SLFN14: variants seen among roughly 807,000 people sequenced by gnomAD.
The protein encoded by SLFN14 is protein SLFN14.
In SLFN14, 47 loss-of-function variants were observed where a neutral mutation model predicts 58.6. The ratio of observed to expected loss-of-function variants is 0.80; its 90% CI spans 0.64 to 1.02. SLFN14 has a LOEUF of 1.02. SLFN14 is among the 50% of genes least tolerant of loss of function. The pLI, the probability that SLFN14 is intolerant of heterozygous loss-of-function variation, is 0.00. For missense variants in SLFN14, 967 were observed against 1,078.4 expected, an observed-to-expected ratio of 0.90 and a Z score of 1.45; for synonymous variants, 390 against 387.3, an observed-to-expected ratio of 1.01 and a Z score of -0.08.
chr17:35,557,907 C>T lies in SLFN14; in HGVS notation c.156G>A (p.Leu52=). 1.3e-6 allele frequency: 2 copies of T among 1,551,744 alleles called. No homozygotes were observed. The highest frequency in any genetic ancestry group is 1.7e-6 in the Non-Finnish European group (2 of 1,147,000). Residue 52 remains leucine (L), a synonymous_variant, in exon 3 of 6, where the codon CTG becomes CTA. Coordinates refer to ENST00000674182, the MANE Select transcript of SLFN14 (RefSeq NM_001129820.2). ...NSRIIRAICA[L]LNSGGGVIKA... is the part of the protein sequence containing the mutation. ...TGATCACACCACCTCCAGAATTTAA[C>T]AGTGCACATATAGCCCGGATAATTC... is the stretch of plus-strand genomic sequence containing the variant.
At chr17:35,558,912 C>T in intron 2 of SLFN14, among the ~76,000 whole-genome samples, 1 of 152,040 alleles carries the variant, frequency 6.6e-6, no homozygotes, top group Non-Finnish European at 1.5e-5. Context: ...GAAGATCTTG[C>T]TATAAACACA....
intron 1 of SLFN14, among the ~76,000 whole-genome samples, chr17:35,560,528 ATGTTGGC>A (rs1345900222): frequency 2.6e-5 from 4 of 152,172 alleles, no homozygotes; most frequent in East Asian, 3.9e-4. Flanking sequence ...GGGTTTCACC[ATGTTGGC>A]CAGGCTGGTC....
Position 35,557,478 on chromosome 17 carries a change from T to A in SLFN14, c.585A>T (p.Lys195Asn). The change falls in exon 3 of 6, where the codon AAA becomes AAT. Residue 195 changes from lysine (K) to asparagine (N), a missense_variant. Lys to Asn is a moderately conservative substitution (Grantham distance 94). Coordinates refer to ENST00000674182, the MANE Select transcript of SLFN14 (RefSeq NM_001129820.2). ...ILASEFFKKD[K>N]LMYKEKLNFT... ...AGTTGAGTTTCTCCTTATACATGAG[T>A]TTGTCCTTTTTAAAAAATTCTGAGG... 6.4e-7 allele frequency: 1 copy of A among 1,551,686 alleles called. No individual in the cohort carries two copies. Among genetic ancestry groups the A allele is most frequent in the Non-Finnish European group, 8.7e-7 (1 of 1,147,000 alleles).
chr17:35,544,489 G>GA lies in SLFN14; in HGVS notation c.*3749dup, dbSNP rs1287902491. On this transcript the variant is annotated 3_prime_UTR_variant, in exon 6 of 6. Transcript: ENST00000674182. ...AGAATAGAAATAAATAAGCAAAAAT[G>GA]AAAAAATGTTACACCCAGATAACAA... Among the ~76,000 whole-genome samples, 7 of 149,094 alleles carry GA rather than the reference G, an allele frequency of 4.7e-5. No homozygotes were observed. Among genetic ancestry groups the GA allele is most frequent in the Non-Finnish European group, 8.9e-5 (6 of 67,296 alleles).
intron 1 of SLFN14, among the ~76,000 whole-genome samples, 128 bp from the exon 2 acceptor site, chr17:35,559,933 G>A (rs746073620): frequency 6.6e-6 from 1 of 152,084 alleles, no homozygotes; most frequent in Non-Finnish European, 1.5e-5. Flanking sequence ...TTATATCATA[G>A]AATCACAGAA....
At chr17:35,555,371 C>CA (rs58849511) in intron 3 of SLFN14, among the ~76,000 whole-genome samples, 2,285 of 129,982 alleles carry the variant, frequency 0.018, 62 homozygotes, top group African/African-American at 0.058. Context: ...GACTCCGTCT[C>CA]AAAAAAAAAA....
intron 5 of SLFN14, among the ~76,000 whole-genome samples, chr17:35,550,807 A>T (rs972684855): frequency 6.6e-6 from 1 of 152,244 alleles, no homozygotes; most frequent in African/African-American, 2.4e-5. Context: ...AGAGATTTAA[A>T]TCAGAAGTGA....
rs777197607 is a variant in SLFN14, at chr17:35,548,844, CT to C, written c.2133del (p.Asp712MetfsTer27). On this transcript the variant is annotated frameshift_variant, in exon 6 of 6. Coordinates refer to ENST00000674182, the MANE Select transcript of SLFN14 (RefSeq NM_001129820.2). LOFTEE classifies it low-confidence loss of function (END_TRUNC). ...GATGGAGGGGGAAGGCCATTGACATCTGCGTGATGGATTTGAAAAGGGTCAA... is the reference window on the plus strand; with the variant it reads ...GATGGAGGGGGAAGGCCATTGACATCGCGTGATGGATTTGAAAAGGGTCAA... ...LFLDPFQIHH[A>X]DVNGLPPPSA... 9.0e-6 allele frequency: 14 copies of C among 1,551,714 alleles called. No individual in the cohort carries two copies. Among genetic ancestry groups the C allele is most frequent in the Non-Finnish European group, 1.1e-5 (13 of 1,146,992 alleles).
At position 35,552,798 on chromosome 17, in the gene SLFN14, GTCCTTAATTTTC is replaced by G; in HGVS notation, c.1824_1835del (p.Glu608_Lys611del). On this transcript the variant is annotated inframe_deletion, in exon 5 of 6. Coordinates refer to ENST00000674182, the MANE Select transcript of SLFN14 (RefSeq NM_001129820.2). ...TCTCTTTTGGTTTGCAGTGAAACAA[GTCCTTAATTTTC>G]TCCATGATCTTTATGGCTAGGGCTG... 1 of 1,551,146 alleles carries G rather than the reference GTCCTTAATTTTC, an allele frequency of 6.4e-7. No individual in the cohort carries two copies. The highest frequency in any genetic ancestry group is 8.7e-7 in the Non-Finnish European group (1 of 1,146,824).
chr17:35,544,542 T>TG lies in SLFN14; in HGVS notation c.*3696_*3697insC, dbSNP rs34232178. 5.3e-5 allele frequency among the ~76,000 whole-genome samples: 8 copies of TG among 151,888 alleles called. No homozygotes were observed. The highest frequency in any genetic ancestry group is 5.2e-4 in the Admixed American group (8 of 15,246). On this transcript the variant is annotated 3_prime_UTR_variant, in exon 6 of 6. Coordinates refer to ENST00000674182, the MANE Select transcript of SLFN14 (RefSeq NM_001129820.2). The stretch of plus-strand genomic sequence containing the variant: ...TGATTTAAGAACTTTTTTTTTTTTT[T>TG]TTTGAGACAGAGTTTCACTCTTGTT...
chr17:35,548,486 G>A lies in SLFN14; in HGVS notation c.2492C>T (p.Ala831Val). The A allele has an allele frequency of 6.4e-7, 1 of 1,551,728 alleles. No homozygotes were observed. The highest frequency in any genetic ancestry group is 8.7e-7 in the Non-Finnish European group (1 of 1,146,994). ...AATTAATTCCATTGCTTTGAGTAGTGCAAGCCTATAGCGTCCTCTGTCCTC... is the reference window on the plus strand; with the variant it reads ...AATTAATTCCATTGCTTTGAGTAGTACAAGCCTATAGCGTCCTCTGTCCTC... ...RGEDRGRYRL[A>V]LLKAMELIET... is the part of the protein sequence containing the mutation. The change falls in exon 6 of 6, where the codon GCA (alanine) becomes GTA (valine). Residue 831 changes from alanine (A) to valine (V), a missense_variant. Transcript: ENST00000674182.
chr17:35,554,634 G>A lies in SLFN14; in HGVS notation c.1131C>T (p.Pro377=), dbSNP rs990591867. The change falls in exon 4 of 6, where the codon CCC becomes CCT. Residue 377 remains proline, a synonymous_variant. Coordinates refer to ENST00000674182, the MANE Select transcript of SLFN14 (RefSeq NM_001129820.2). ...ATTTGTGGACTTTTATGGGATATCC[G>A]GGACTTTTTCGTGCAGATGAAGCTG... ...ISSASSARKS[P]GYPIKVHKFK... 246 of 1,527,842 alleles carry A rather than the reference G, an allele frequency of 1.6e-4. No individual in the cohort carries two copies. The highest frequency in any genetic ancestry group is 2.1e-4 in the Non-Finnish European group (242 of 1,134,780). The allele number at this position is 1,527,842 out of a possible 1,614,324, so 94.6% of individuals were successfully genotyped here.
At chr17:35,552,199 G>A (rs1032749009) in intron 5 of SLFN14, among the ~76,000 whole-genome samples, 3 of 152,162 alleles carry the variant, frequency 2.0e-5, no homozygotes, top group Admixed American at 6.5e-5. Flanking sequence ...CAATTCAGCA[G>A]GAAGCAGTTA....
chr17:35,549,585 C>T (rs565814392), intron 5 of SLFN14, among the ~76,000 whole-genome samples: 2 of 152,320 alleles, frequency 1.3e-5, no homozygotes, highest in South Asian at 2.1e-4. Flanking sequence ...CTGAGTTCCA[C>T]GACACATCAA....
chr17:35,545,241 T>C lies in SLFN14; in HGVS notation c.*2998A>G, dbSNP rs766946142. Among the ~76,000 whole-genome samples, 3 of 152,230 alleles carry C rather than the reference T, an allele frequency of 2.0e-5. No individual in the cohort carries two copies. The highest frequency in any genetic ancestry group is 4.4e-5 in the Non-Finnish European group (3 of 68,040). On this transcript the variant is annotated 3_prime_UTR_variant, in exon 6 of 6. Transcript: ENST00000674182. ...AACATTAGAAATTCATACTATCGAA[T>C]TGAATCATTGTAGATTCTAGTTTTC...
rs1464192340 is a variant in SLFN14, at chr17:35,544,380, A to G, written c.*3859T>C. 3.3e-5 allele frequency among the ~76,000 whole-genome samples: 5 copies of G among 151,508 alleles called. No homozygotes were observed. The highest frequency in any genetic ancestry group is 3.4e-3 in the Middle Eastern group (1 of 290). On this transcript the variant is annotated 3_prime_UTR_variant, in exon 6 of 6. Transcript: ENST00000674182. ...ATAGCAATATCTCACAAAACAATTA[A>G]ATGGAAAAAGCACACATATACGTTA...
In SLFN14 at chr17:35,548,029, T is replaced by C; in HGVS notation, c.*210A>G. 4 of 576,116 alleles carry C rather than the reference T, an allele frequency of 6.9e-6. No individual in the cohort carries two copies. In the South Asian group the frequency reaches 8.9e-5, roughly 13 times the overall value. The allele number at this position is 576,116 out of a possible 1,614,324, so 35.7% of individuals were successfully genotyped here. A position where few individuals can be genotyped will look rare whatever the true frequency, so the allele number is the denominator to read the frequency against. On this transcript the variant is annotated 3_prime_UTR_variant, in exon 6 of 6. Coordinates refer to ENST00000674182, the MANE Select transcript of SLFN14 (RefSeq NM_001129820.2). ...AGGGGACTAATGAAGTCTATTGTAA[T>C]TGTATAGGTAGGAGGTGAAGGAAAT...
At position 35,557,380 on chromosome 17, in the gene SLFN14, A is replaced by G. The variant is rs1487104350; in HGVS notation, c.683T>C (p.Leu228Pro). The change falls in exon 3 of 6, where the codon CTG (leucine) becomes CCG (proline). Residue 228 changes from leucine to proline, a missense_variant. Physicochemically the swap from Leu to Pro is moderately conservative, Grantham distance 98 (BLOSUM62 -3). Transcript: ENST00000674182. ...KKVIPRIKEMLPHYVSAFANT... is the reference protein window; with the variant it reads ...KKVIPRIKEMPPHYVSAFANT... ...GGCAAATGCAGAAACATAATGAGGCAGCATTTCCTTAATCCGAGGTATGAC... is the reference window on the plus strand; with the variant it reads ...GGCAAATGCAGAAACATAATGAGGCGGCATTTCCTTAATCCGAGGTATGAC... 6.4e-7 allele frequency: 1 copy of G among 1,551,758 alleles called. No homozygotes were observed. Among genetic ancestry groups the G allele is most frequent in the Admixed American group, 2.0e-5 (1 of 51,010 alleles).
rs1012149801 is a variant in SLFN14 at position 35,549,058 on chromosome 17, G to A, written c.1920C>T (p.Cys640=). The change falls in exon 6 of 6, where the codon TGC becomes TGT. Residue 640 remains cysteine, a synonymous_variant. Transcript: ENST00000674182. ...LKDFVTQQTT[C]QAVTRKTFMQ... is the part of the protein sequence containing the mutation. ...TGAAAGTTTTCCTGGTCACAGCTTG[G>A]CAGGTGGTTTGTTGGCTGTAAGGAC... is the stretch of plus-strand genomic sequence containing the variant. 1.2e-5 allele frequency: 19 copies of A among 1,551,220 alleles called. No homozygotes were observed. The Admixed American group carries it at 2.7e-4, about 22-fold the overall frequency.
Sources: gnomAD v4.1 joint callset for allele counts (sites outside exome capture counted in the v4.1 genomes callset) on GRCh38, gnomAD v4.1.1 for gene constraint, MANE v1.5 for transcripts, NCBI Gene and HGNC (gene_info 2026-07-23, HGNC 2026-07-21) for gene names.